Variants in RASA1 observed in about 807,000 individuals in gnomAD.
RASA1 encodes the protein RAS p21 protein activator 1, also known as ras GTPase-activating protein 1.
Under a neutral mutation model 132.2 loss-of-function variants are expected in RASA1, and 25 were observed. The ratio of observed to expected loss-of-function variants is 0.19; its 90% CI spans 0.14 to 0.26. The LOEUF is 0.26. Among genes scored for constraint, RASA1 ranks in the 10% least tolerant of loss-of-function variants. The pLI is 1.00. For missense variants in RASA1, 964 were observed against 1,299.2 expected, an observed-to-expected ratio of 0.74 and a Z score of 3.97; for synonymous variants, 477 against 449.9, an observed-to-expected ratio of 1.06 and a Z score of -0.76.
intron 1 of RASA1, among the ~76,000 whole-genome samples, chr5:87,306,013 TTGG>T (rs913700114): frequency 2.0e-5 from 3 of 152,182 alleles, no homozygotes; most frequent in African/African-American, 7.2e-5. Flanking sequence ...TTATACGCAG[TTGG>T]TGGGAGTGTA....
chr5:87,372,050 C>A (rs1393703428), intron 12 of RASA1, 68 bp from the exon 13 acceptor site: 28 of 1,137,170 alleles, frequency 2.5e-5, no homozygotes, highest in Middle Eastern at 2.1e-4. Context: ...AAAAAAAAAA[C>A]CTAACTGATG....
At chr5:87,330,649 A>T (rs1465834454) in intron 1 of RASA1, among the ~76,000 whole-genome samples, 1 of 152,218 alleles carries the variant, frequency 6.6e-6, no homozygotes, top group African/African-American at 2.4e-5. Context: ...CAGTTTCTTA[A>T]GTAGATCATT....
At chr5:87,326,494 T>C (rs528196503) in intron 1 of RASA1, among the ~76,000 whole-genome samples, 3 of 152,286 alleles carry the variant, frequency 2.0e-5, no homozygotes, top group East Asian at 3.9e-4. Flanking sequence ...GGAAGACATG[T>C]ATGTACTTCT....
intron 14 of RASA1, among the ~76,000 whole-genome samples, chr5:87,374,594 A>G (rs1019077698): frequency 9.2e-5 from 14 of 151,676 alleles, no homozygotes; most frequent in African/African-American, 3.4e-4. Context: ...AACATTTACT[A>G]GGGTTTCCAG....
chr5:87,377,179 A>T (rs1044200634), intron 17 of RASA1, 139 bp downstream of exon 17: 6 of 1,155,392 alleles, frequency 5.2e-6, no homozygotes, highest in African/African-American at 1.5e-5. Flanking sequence ...CTCCTTAAAA[A>T]TTGCAGTTGG....
chr5:87,320,622 G>C (rs1040995587), intron 1 of RASA1, among the ~76,000 whole-genome samples: 1 of 152,160 alleles, frequency 6.6e-6, no homozygotes, highest in African/African-American at 2.4e-5. Context: ...CACGAGAACA[G>C]CAAGGGGAAA....
chr5:87,361,751 G>A lies in RASA1; in HGVS notation c.1333-800G>A, dbSNP rs541826328. 2.6e-5 allele frequency among the ~76,000 whole-genome samples: 4 copies of A among 152,266 alleles called. No homozygotes were observed. The South Asian group carries it at 6.2e-4, about 24-fold the overall frequency. ...AGGCAATCAAAACCACAGGGCTTTT[G>A]AGAAAAGTGAGGTTAGGGGTGTTAA... On this transcript the variant is annotated intron_variant, in intron 9 of 24. Transcript: ENST00000274376.
At chr5:87,321,513 T>G (rs1756804561) in intron 1 of RASA1, among the ~76,000 whole-genome samples, 1 of 152,228 alleles carries the variant, frequency 6.6e-6, no homozygotes, top group Admixed American at 6.5e-5. Flanking sequence ...CAACCCCCTC[T>G]TTGGGTTGGA....
chr5:87,338,536 A>ATATATATATATATATATTTTTTTTTT, intron 5 of RASA1, among the ~76,000 whole-genome samples: 1 of 85,212 alleles, frequency 1.2e-5, no homozygotes, highest in African/African-American at 4.4e-5. Context: ...TATATATAAA[A>ATATATATATATATATATTTTTTTTTT]TTTTTTTTTT....
At chr5:87,387,030 T>A in intron 23 of RASA1, 127 bp downstream of exon 23, 1 of 846,084 alleles carries the variant, frequency 1.2e-6, no homozygotes, top group Non-Finnish European at 1.9e-6. Flanking sequence ...GCCTGCAAAT[T>A]TTTGTCTGCC....
chr5:87,333,326 T>G lies in RASA1; in HGVS notation c.888T>G (p.Thr296=). 6.2e-7 allele frequency: 1 copy of G among 1,613,184 alleles called. No individual in the cohort carries two copies. ...TACCTTACACAAAAGTACCAGACAC[T>G]GATGAAATAAGGTATTTTATAATCT... ...AILPYTKVPD[T]DEISFLKGDM... The change falls in exon 4 of 25, where the codon ACT becomes ACG. Residue 296 remains threonine (T), a synonymous_variant. Transcript: ENST00000274376.
rs751440049 is a variant in RASA1 at position 87,268,869 on chromosome 5, C to A, written c.418C>A (p.Pro140Thr). 2.5e-6 allele frequency: 4 copies of A among 1,614,176 alleles called. No homozygotes were observed. The highest frequency in any genetic ancestry group is 3.4e-6 in the Non-Finnish European group (4 of 1,180,022). Residue 140 changes from proline to threonine, a missense_variant, in exon 1 of 25, where the codon CCC becomes ACC. Physicochemically the swap from Pro to Thr is conservative, Grantham distance 38. Around this residue, in one of 6 missense-constraint regions of RASA1, gnomAD observed 326 missense variants for 275.8 expected, o/e 1.18. Coordinates refer to ENST00000274376, the MANE Select transcript of RASA1 (RefSeq NM_002890.3). ...CGGCGGTTTTCCCCCTCTGCCCCCTCCCCCTTACCTGCCCCCTTTGGGGGC... is the reference window on the plus strand; with the variant it reads ...CGGCGGTTTTCCCCCTCTGCCCCCTACCCCTTACCTGCCCCCTTTGGGGGC... Reference protein sequence around the residue: ...PGGGFPPLPPPPYLPPLGAGL... With the variant: ...PGGGFPPLPPTPYLPPLGAGL...
chr5:87,389,629 T>A, intron 24 of RASA1, 102 bp downstream of exon 24: 2 of 1,477,628 alleles, frequency 1.4e-6, no homozygotes, highest in Non-Finnish European at 1.9e-6. Context: ...CTTGTTACAT[T>A]AAATTTTTGA....
intron 11 of RASA1, among the ~76,000 whole-genome samples, chr5:87,363,707 C>T (rs1480187277): frequency 6.6e-6 from 1 of 151,944 alleles, no homozygotes; most frequent in Non-Finnish European, 1.5e-5. Flanking sequence ...AAATCTTTGG[C>T]ATGACATTTC....
intron 11 of RASA1, among the ~76,000 whole-genome samples, chr5:87,364,508 C>CT (rs1379306062): frequency 3.3e-5 from 5 of 151,912 alleles, no homozygotes; most frequent in Non-Finnish European, 5.9e-5. Flanking sequence ...CGAAGATACC[C>CT]TTTTTTTTCC....
At chr5:87,330,217 T>G (rs928570563) in intron 1 of RASA1, among the ~76,000 whole-genome samples, 1 of 152,136 alleles carries the variant, frequency 6.6e-6, no homozygotes, top group Admixed American at 6.5e-5. Context: ...TGTTTTTGTT[T>G]TATTTTTAAA....
In RASA1 at chr5:87,308,002, G is replaced by C. The variant is rs1048366329; in HGVS notation, c.540-23346G>C. ...TTTGAATACTGCAGTTTGCTATGCA[G>C]TCTTTCCTTAGCTTCTTATCTGTGT... On this transcript the variant is annotated intron_variant, in intron 1 of 24. Coordinates refer to ENST00000274376, the MANE Select transcript of RASA1 (RefSeq NM_002890.3). 6.6e-5 allele frequency among the ~76,000 whole-genome samples: 10 copies of C among 152,148 alleles called. No individual in the cohort carries two copies. In the South Asian group the frequency reaches 8.3e-4, roughly 13 times the overall value.
intron 1 of RASA1, among the ~76,000 whole-genome samples, chr5:87,310,272 T>C (rs1284015496): frequency 1.3e-5 from 2 of 152,146 alleles, no homozygotes; most frequent in Non-Finnish European, 2.9e-5. Context: ...AAGAATTCCA[T>C]AGATGTGTGA....
In RASA1 at chr5:87,376,499, G is replaced by A. The variant is rs1761337058; in HGVS notation, c.2118G>A (p.Leu706=). The change falls in exon 16 of 25, where the codon CTG becomes CTA. Residue 706 remains leucine (L), a synonymous_variant. Coordinates refer to ENST00000274376, the MANE Select transcript of RASA1 (RefSeq NM_002890.3). Reference sequence around the variant, plus strand: ...TAAAAGGTATTGAACCAGGGTCCCTGCGTGTTCGAGCACGATACTCTATGG... The same window carrying A: ...TAAAAGGTATTGAACCAGGGTCCCTACGTGTTCGAGCACGATACTCTATGG... ...IPLKGIEPGS[L]RVRARYSMEK... 5 of 1,614,036 alleles carry A rather than the reference G, an allele frequency of 3.1e-6. No individual in the cohort carries two copies. Among genetic ancestry groups the A allele is most frequent in the Non-Finnish European group, 4.2e-6 (5 of 1,179,970 alleles).
Sources: gnomAD v4.1 joint callset for allele counts (sites outside exome capture counted in the v4.1 genomes callset) on GRCh38, gnomAD v4.1.1 for gene constraint, gnomAD v4.1.1 regional missense constraint, MANE v1.5 for transcripts, NCBI Gene and HGNC (gene_info 2026-07-23, HGNC 2026-07-21) for gene names.